CAMTA1: variants seen among roughly 807,000 people sequenced by gnomAD.
CAMTA1 encodes the protein calmodulin-binding transcription activator 1.
In CAMTA1, 27 loss-of-function variants were observed where a neutral mutation model predicts 170.9. The ratio of observed to expected loss-of-function variants is 0.16; its 90% CI spans 0.12 to 0.22. CAMTA1 has a LOEUF of 0.22. Among genes scored for constraint, CAMTA1 ranks in the 10% least tolerant of loss-of-function variants. The pLI is 1.00. For missense variants in CAMTA1, 1,619 were observed against 2,217.2 expected (o/e 0.73, Z 5.42); for synonymous variants, 833 against 891.5 (o/e 0.93, Z 1.17).
chr1:7,189,390 C>T (rs930091778), intron 4 of CAMTA1, among the ~76,000 whole-genome samples: 6 of 152,134 alleles, frequency 3.9e-5, no homozygotes, highest in African/African-American at 1.4e-4. Flanking sequence ...AAAAACTACA[C>T]GTCTGAATAT....
At chr1:7,088,295 A>G (rs1167771522) in intron 3 of CAMTA1, among the ~76,000 whole-genome samples, 5 of 152,054 alleles carry the variant, frequency 3.3e-5, no homozygotes, top group African/African-American at 7.2e-5. Flanking sequence ...TGATGTAGGT[A>G]GTTCTTACAT....
At chr1:7,750,245 C>T (rs1438030923) in intron 19 of CAMTA1, among the ~76,000 whole-genome samples, 1 of 152,174 alleles carries the variant, frequency 6.6e-6, no homozygotes, top group Non-Finnish European at 1.5e-5. Flanking sequence ...GCAGAAGGGT[C>T]CTGGTTCTTG....
chr1:6,794,014 G>GA (rs35338503), intron 1 of CAMTA1, among the ~76,000 whole-genome samples: 28,896 of 151,912 alleles, frequency 0.19, 2,816 homozygotes, highest in East Asian at 0.29. Context: ...TGTTATAGTG[G>GA]AAAAAATTAC....
chr1:7,535,258 C>T (rs902946757), intron 6 of CAMTA1, among the ~76,000 whole-genome samples: 5 of 151,954 alleles, frequency 3.3e-5, no homozygotes, highest in South Asian at 2.1e-4. Context: ...CCTGGCAGGG[C>T]CCCCGGTCCT....
intron 7 of CAMTA1, among the ~76,000 whole-genome samples, chr1:7,648,756 G>C (rs910457280): frequency 2.4e-4 from 36 of 152,224 alleles, no homozygotes; most frequent in Non-Finnish European, 3.5e-4. Context: ...AGAACCACCT[G>C]GGAGGGGCTG....
chr1:7,756,184 C>T (rs2096930360), intron 22 of CAMTA1, among the ~76,000 whole-genome samples: 1 of 151,780 alleles, frequency 6.6e-6, no homozygotes, highest in African/African-American at 2.4e-5. Flanking sequence ...ATACCCTGCT[C>T]CTGTGCCTGC....
chr1:7,415,798 CATT>C (rs949570663), intron 5 of CAMTA1, among the ~76,000 whole-genome samples: 119 of 152,278 alleles, frequency 7.8e-4, no homozygotes, highest in African/African-American at 2.7e-3. Context: ...TTGATCCTGT[CATT>C]ATGATGTTAG....
intron 3 of CAMTA1, among the ~76,000 whole-genome samples, chr1:7,089,590 ATCCG>A (rs1641220032): frequency 1.2e-5 from 1 of 80,552 alleles, no homozygotes; most frequent in Non-Finnish European, 2.7e-5. Flanking sequence ...CATCCCATCC[ATCCG>A]GCCATCTGTC....
intron 5 of CAMTA1, among the ~76,000 whole-genome samples, chr1:7,414,152 G>A (rs201749797): frequency 0.22 from 33,345 of 151,966 alleles, 4,248 homozygotes; most frequent in East Asian, 0.5. Flanking sequence ...TGCTGGATTC[G>A]GTTTGCCAGT....
chr1:7,093,012 C>T lies in CAMTA1; in HGVS notation c.302+1641C>T, dbSNP rs1641661917. 6.6e-6 allele frequency among the ~76,000 whole-genome samples: 1 copy of T among 152,210 alleles called. No individual in the cohort carries two copies. Among genetic ancestry groups the T allele is most frequent in the Non-Finnish European group, 1.5e-5 (1 of 68,034 alleles). ...GAATGGGGCTGGGAAGGACATCCCT[C>T]CACAGAGTGGGGGCAGGGGTGGGCG... On this transcript the variant is annotated intron_variant, in intron 4 of 22. Coordinates refer to ENST00000303635, the MANE Select transcript of CAMTA1 (RefSeq NM_015215.4). This position sits in a 1 kb window ranked among gnomAD's most constrained non-coding sequence, Gnocchi z 4.6.
intron 5 of CAMTA1, among the ~76,000 whole-genome samples, chr1:7,337,162 C>A (rs1354149514): frequency 6.6e-6 from 1 of 152,174 alleles, no homozygotes; most frequent in Non-Finnish European, 1.5e-5. Flanking sequence ...CCTGGTGGTT[C>A]TAGGAGGCCT....
chr1:7,370,095 TCACAGTCACATTC>T (rs957483229), intron 5 of CAMTA1: 2 of 152,430 alleles, frequency 1.3e-5, no homozygotes, highest in Non-Finnish European at 2.9e-5. Flanking sequence ...ACAGCAGCAA[TCACAGTCACATTC>T]CACAGCCTCT....
chr1:7,224,046 C>T lies in CAMTA1; in HGVS notation c.303-25445C>T, dbSNP rs1463617665. 6.6e-6 allele frequency among the ~76,000 whole-genome samples: 1 copy of T among 152,146 alleles called. No homozygotes were observed. Among genetic ancestry groups the T allele is most frequent in the African/African-American group, 2.4e-5 (1 of 41,420 alleles). ...GGGTGTGTAATGACCACAGACTAAT[C>T]TTAATCATAATCACTACCATGAACC... On this transcript the variant is annotated intron_variant, in intron 4 of 22. Coordinates refer to ENST00000303635, the MANE Select transcript of CAMTA1 (RefSeq NM_015215.4). This position sits in a 1 kb window ranked among gnomAD's most constrained non-coding sequence, Gnocchi z 5.2.
intron 19 of CAMTA1, 106 bp from the exon 20 acceptor site, chr1:7,751,093 G>T: frequency 1.1e-6 from 1 of 900,104 alleles, no homozygotes; most frequent in South Asian, 1.5e-5. Context: ...TGTGATAATA[G>T]AGGGGAAAAG....
intron 4 of CAMTA1, among the ~76,000 whole-genome samples, chr1:7,179,776 A>G (rs1651715551): frequency 6.6e-6 from 1 of 152,228 alleles, no homozygotes; most frequent in Non-Finnish European, 1.5e-5. Flanking sequence ...GCTTTTATTA[A>G]TAAAAACACA....
intron 11 of CAMTA1, among the ~76,000 whole-genome samples, chr1:7,702,126 C>T (rs1405316194): frequency 2.6e-5 from 4 of 152,054 alleles, no homozygotes; most frequent in African/African-American, 9.7e-5. Context: ...GGACATTCCC[C>T]ATGCAGAAAC....
At chr1:7,326,041 T>C (rs1679213808) in intron 5 of CAMTA1, among the ~76,000 whole-genome samples, 1 of 152,142 alleles carries the variant, frequency 6.6e-6, no homozygotes, top group South Asian at 2.1e-4. Flanking sequence ...GTATTTTTAG[T>C]AGAGACAGTG....
At chr1:7,502,360 A>G (rs1459497529) in intron 6 of CAMTA1, among the ~76,000 whole-genome samples, 1 of 152,202 alleles carries the variant, frequency 6.6e-6, no homozygotes, top group Non-Finnish European at 1.5e-5. Flanking sequence ...TTCCTCTAAT[A>G]CAGCCTAGGC....
In CAMTA1 at chr1:7,661,819, C is replaced by G; in HGVS notation, c.758C>G (p.Thr253Ser). The G allele has an allele frequency of 1.9e-6, 3 of 1,613,652 alleles. No individual in the cohort carries two copies. Among genetic ancestry groups the G allele is most frequent in the Non-Finnish European group, 1.7e-6 (2 of 1,179,968 alleles). ...CAGCAGATCCTCGACAGCCACCAGA[C>G]CAAGCCCCAGCCGCGGACCCACAAC... ...LVQQILDSHQ[T>S]KPQPRTHNCL... Residue 253 changes from threonine (T) to serine (S), a missense_variant, in exon 8 of 23, where the codon ACC (threonine) becomes AGC (serine). Thr to Ser is a moderately conservative substitution (Grantham distance 58, BLOSUM62 1). Around this residue, in one of 8 missense-constraint regions of CAMTA1, gnomAD observed 731 missense variants for 907.6 expected, o/e 0.81. Coordinates refer to ENST00000303635, the MANE Select transcript of CAMTA1 (RefSeq NM_015215.4).
Sources: allele counts gnomAD v4.1 joint callset (sites outside exome capture counted in the v4.1 genomes callset), GRCh38; gene constraint gnomAD v4.1.1; regional missense constraint gnomAD v4.1.1; non-coding constraint Gnocchi (gnomAD v3.1); transcripts MANE v1.5; gene names NCBI Gene and HGNC (gene_info 2026-07-23, HGNC 2026-07-21).